The following ZNF385D variants were observed in gnomAD, a reference collection of about 807,000 sequenced individuals.
ZNF385D encodes zinc finger protein 659.
ZNF385D carries 15 observed loss-of-function variants against 35.8 expected under a neutral mutation model. The observed-to-expected ratio is 0.42, with a 90% CI of 0.28 to 0.64. The LOEUF (loss-of-function observed/expected upper bound fraction) is 0.64. ZNF385D is among the 30% of genes least tolerant of loss of function. The pLI is 0.23. For missense variants in ZNF385D, 474 were observed against 494.6 expected (o/e 0.96, Z 0.39); for synonymous variants, 212 against 186.8 (o/e 1.13, Z -1.10).
intron 3 of ZNF385D, among the ~76,000 whole-genome samples, chr3:21,976,497 G>A (rs751432664): frequency 3.9e-5 from 6 of 152,078 alleles, no homozygotes; most frequent in Admixed American, 3.9e-4. Context: ...TGATCTGGAA[G>A]ATAGATCAAA....
At chr3:22,203,973 T>TA (rs1160405448) in intron 2 of ZNF385D, among the ~76,000 whole-genome samples, 2 of 152,032 alleles carry the variant, frequency 1.3e-5, no homozygotes, top group African/African-American at 2.4e-5. Flanking sequence ...TATGGAGCCT[T>TA]AGGGCTCTGA....
chr3:21,586,655 CAG>C (rs1410718153), intron 2 of ZNF385D, among the ~76,000 whole-genome samples: 1 of 152,134 alleles, frequency 6.6e-6, no homozygotes, highest in Non-Finnish European at 1.5e-5. Context: ...GGAATTCAGT[CAG>C]TGCTGACAAG....
intron 3 of ZNF385D, among the ~76,000 whole-genome samples, chr3:21,779,152 T>G (rs2071400210): frequency 6.6e-6 from 1 of 151,862 alleles, no homozygotes. Context: ...CTGAAAACAT[T>G]ACTTTCTCAG....
At chr3:21,654,872 A>G (rs1483436512) in intron 2 of ZNF385D, among the ~76,000 whole-genome samples, 1 of 152,014 alleles carries the variant, frequency 6.6e-6, no homozygotes, top group Admixed American at 6.6e-5. Context: ...AAACAAATAT[A>G]CTTGCTGGCA....
At chr3:22,029,303 A>G (rs1420796091) in intron 3 of ZNF385D, among the ~76,000 whole-genome samples, 5 of 152,112 alleles carry the variant, frequency 3.3e-5, no homozygotes. Context: ...TGCATGGAAT[A>G]TAGGAGATCC....
chr3:21,781,900 C>A (rs973039076), intron 3 of ZNF385D, among the ~76,000 whole-genome samples: 5 of 152,006 alleles, frequency 3.3e-5, no homozygotes, highest in African/African-American at 9.7e-5. Flanking sequence ...TAAGTGAAAG[C>A]TCAAAGGGCT....
intron 3 of ZNF385D, among the ~76,000 whole-genome samples, chr3:22,083,272 T>A (rs949293303): frequency 2.0e-5 from 3 of 150,748 alleles, no homozygotes; most frequent in Non-Finnish European, 4.4e-5. Context: ...AGGTCGGTAA[T>A]AACAAACTTC....
intron 3 of ZNF385D, among the ~76,000 whole-genome samples, chr3:22,088,264 G>A (rs906063513): frequency 3.9e-5 from 6 of 152,262 alleles, no homozygotes; most frequent in African/African-American, 1.4e-4. Context: ...AAATCTGGAA[G>A]AATAAAAACA....
At chr3:21,693,882 CTTTTTTTTT>C (rs555946193) in intron 1 of ZNF385D, among the ~76,000 whole-genome samples, 1 of 118,394 alleles carries the variant, frequency 8.4e-6, no homozygotes, top group Non-Finnish European at 1.8e-5. Flanking sequence ...CTTTTTTTTT[CTTTTTTTTT>C]TTTTTTTGAG....
intron 2 of ZNF385D, among the ~76,000 whole-genome samples, chr3:22,348,864 A>G (rs1432192658): frequency 1.3e-5 from 2 of 152,114 alleles, no homozygotes; most frequent in Non-Finnish European, 2.9e-5. Context: ...AACCCACTCA[A>G]TCTGTGGTAC....
intron 2 of ZNF385D, among the ~76,000 whole-genome samples, chr3:22,315,932 T>TTTA (rs1353504426): frequency 6.6e-6 from 1 of 152,138 alleles, no homozygotes; most frequent in Admixed American, 6.5e-5. Context: ...TAGGCATAGT[T>TTTA]CCTATAATCC....
chr3:21,760,945 T>C (rs1456985253), intron 3 of ZNF385D, among the ~76,000 whole-genome samples: 2 of 152,230 alleles, frequency 1.3e-5, no homozygotes, highest in African/African-American at 4.8e-5. Context: ...GTGTAAACAG[T>C]AGAACATTAT....
chr3:21,997,735 C>T (rs1267071382), intron 3 of ZNF385D, among the ~76,000 whole-genome samples: 2 of 151,974 alleles, frequency 1.3e-5, no homozygotes, highest in Non-Finnish European at 2.9e-5. Flanking sequence ...ACTTGTTCTA[C>T]TTTTTCAAGG....
chr3:21,748,804 G>C (rs541601409), intron 1 of ZNF385D, among the ~76,000 whole-genome samples: 1 of 152,162 alleles, frequency 6.6e-6, no homozygotes, highest in African/African-American at 2.4e-5. Flanking sequence ...ATGTGTGTGC[G>C]TACATACATA....
At chr3:21,687,314 T>C (rs548600942) in intron 1 of ZNF385D, among the ~76,000 whole-genome samples, 152 of 152,316 alleles carry the variant, frequency 1.0e-3, no homozygotes, top group African/African-American at 3.5e-3. Context: ...AAAAATAACA[T>C]TGTTATCGTG....
At chr3:21,571,202 T>C (rs2063325345) in intron 2 of ZNF385D, among the ~76,000 whole-genome samples, 1 of 152,320 alleles carries the variant, frequency 6.6e-6, no homozygotes, top group Admixed American at 6.5e-5. Flanking sequence ...TATTTTTACC[T>C]GCTTTTGCAC....
chr3:22,337,523 G>T (rs1695228056), intron 2 of ZNF385D, among the ~76,000 whole-genome samples: 1 of 152,160 alleles, frequency 6.6e-6, no homozygotes, highest in Non-Finnish European at 1.5e-5. Context: ...AACAGAGTGA[G>T]ACTCCTTTTC....
chr3:22,103,090 A>G lies in ZNF385D; in HGVS notation c.325+65727T>C, dbSNP rs567895773. ...TCCTATTAAATTTAAATAAAACTTT[A>G]AAACCATATAATTCAATTAATCATG... On this transcript the variant is annotated intron_variant, in intron 3 of 5. Coordinates refer to the ZNF385D transcript ENST00000494108. 1.7e-3 allele frequency among the ~76,000 whole-genome samples: 263 copies of G among 151,962 alleles called. 1 individual carries two copies. The highest frequency in any genetic ancestry group is 5.9e-3 in the African/African-American group (247 of 41,518).
rs79326629 is a variant in ZNF385D, at chr3:22,140,839, T to C, written c.325+27978A>G. Reference sequence around the variant, plus strand: ...TGAAGGCCAAGGGGCAGGGCAAGGTTGTCCTAGAGTTAATTAGTTCCATTA... The same window carrying C: ...TGAAGGCCAAGGGGCAGGGCAAGGTCGTCCTAGAGTTAATTAGTTCCATTA... On this transcript the variant is annotated intron_variant, in intron 3 of 5. Coordinates refer to the ZNF385D transcript ENST00000494108. Among the ~76,000 whole-genome samples, 733 of 152,350 alleles carry C rather than the reference T, an allele frequency of 4.8e-3. 5 individuals are homozygous for C. The highest frequency in any genetic ancestry group is 0.015 in the African/African-American group (633 of 41,592).
Sources: gnomAD v4.1 joint callset for allele counts (sites outside exome capture counted in the v4.1 genomes callset) on GRCh38, gnomAD v4.1.1 for gene constraint, MANE v1.5 for transcripts, NCBI Gene and HGNC (gene_info 2026-07-23, HGNC 2026-07-21) for gene names.